Variants in CEMIP2 observed in about 807,000 individuals in gnomAD.
CEMIP2 encodes the protein cell surface hyaluronidase CEMIP2.
A neutral mutation model predicts 146.9 loss-of-function variants in CEMIP2; 79 were observed. That is an observed-to-expected ratio of 0.54 (90% CI 0.45 to 0.65). The LOEUF (loss-of-function observed/expected upper bound fraction) is 0.65, where lower values mean the gene tolerates loss of function less well. Ranked by LOEUF, CEMIP2 falls within the 30% of genes least tolerant of loss-of-function variation. The pLI, the probability that CEMIP2 is intolerant of heterozygous loss-of-function variation, is 0.00. For synonymous variants in CEMIP2, 601 were observed against 606.3 expected, an observed-to-expected ratio of 0.99 and a Z score of 0.13; for missense variants, 1,596 against 1,696.2, an observed-to-expected ratio of 0.94 and a Z score of 1.04.
At chr9:71,700,506 AC>A in intron 19 of CEMIP2, 135 bp downstream of exon 19, 1 of 860,152 alleles carries the variant, frequency 1.2e-6, no homozygotes, top group Non-Finnish European at 1.7e-6. Flanking sequence ...TCCCCTCTAA[AC>A]CTCTAATAGA....
chr9:71,736,122 A>C (rs1490272551), intron 5 of CEMIP2, among the ~76,000 whole-genome samples: 2 of 152,204 alleles, frequency 1.3e-5, no homozygotes, highest in African/African-American at 4.8e-5. Flanking sequence ...TCTGTCTCAG[A>C]AAACCCTTCA....
At chr9:71,697,157 G>A (rs1822426837) in intron 20 of CEMIP2, among the ~76,000 whole-genome samples, 1 of 152,212 alleles carries the variant, frequency 6.6e-6, no homozygotes, top group South Asian at 2.1e-4. Flanking sequence ...TTGGGCCCAA[G>A]AATTCCCATT....
chr9:71,713,230 G>C (rs62546967), intron 15 of CEMIP2, among the ~76,000 whole-genome samples: 7,192 of 152,100 alleles, frequency 0.047, 218 homozygotes, highest in South Asian at 0.069. Flanking sequence ...GGTCTTCTCC[G>C]TGCTGTTCTC....
chr9:71,768,175 G>A (rs1824857313), intron 1 of CEMIP2, among the ~76,000 whole-genome samples, 182 bp downstream of exon 1: 1 of 152,172 alleles, frequency 6.6e-6, no homozygotes, highest in South Asian at 2.1e-4. Flanking sequence ...GAAAGGAGGC[G>A]CACGGGGGAA....
intron 1 of CEMIP2, among the ~76,000 whole-genome samples, chr9:71,764,488 A>G (rs1174834291): frequency 6.6e-6 from 1 of 150,954 alleles, no homozygotes; most frequent in African/African-American, 2.4e-5. Flanking sequence ...CTATTAATTT[A>G]CTATATGACC....
intron 17 of CEMIP2, among the ~76,000 whole-genome samples, chr9:71,708,068 T>C (rs1442964836): frequency 6.6e-6 from 1 of 152,080 alleles, no homozygotes; most frequent in East Asian, 1.9e-4. Context: ...GCGCCTGTAG[T>C]CCAGCTGCTC....
chr9:71,703,467 T>C (rs1201850025), intron 18 of CEMIP2, among the ~76,000 whole-genome samples: 1 of 152,218 alleles, frequency 6.6e-6, no homozygotes, highest in Non-Finnish European at 1.5e-5. Flanking sequence ...TGGAAGTGAC[T>C]TTCTTAAAGC....
intron 1 of CEMIP2, among the ~76,000 whole-genome samples, chr9:71,763,248 C>T (rs1261288311): frequency 6.6e-6 from 1 of 152,080 alleles, no homozygotes; most frequent in East Asian, 1.9e-4. Flanking sequence ...ATTACAGAGA[C>T]CATTAAGACA....
chr9:71,715,110 A>G, intron 14 of CEMIP2, 21 bp from the exon 15 acceptor site: 2 of 1,609,770 alleles, frequency 1.2e-6, no homozygotes, highest in Non-Finnish European at 1.7e-6. Context: ...GCGAACAATC[A>G]TTAGCTACAT....
intron 22 of CEMIP2, 133 bp downstream of exon 22, chr9:71,689,959 G>A: frequency 9.3e-7 from 1 of 1,070,040 alleles, no homozygotes; most frequent in Non-Finnish European, 1.3e-6. Context: ...TGAGGTAGGA[G>A]AGGAATGAAC....
chr9:71,725,735 A>G (rs370548464), intron 10 of CEMIP2, 26 bp from the exon 11 acceptor site: 90 of 1,606,574 alleles, frequency 5.6e-5, no homozygotes, highest in Non-Finnish European at 7.5e-5. Context: ...CAAGCCCATT[A>G]AAAGCCTAAT....
Position 71,730,778 on chromosome 9 carries a change from G to A in CEMIP2, c.1700C>T (p.Thr567Ile). 6.2e-7 allele frequency: 1 copy of A among 1,614,216 alleles called. No homozygotes were observed. Among genetic ancestry groups the A allele is most frequent in the Non-Finnish European group, 8.5e-7 (1 of 1,180,044 alleles). ...ATGAATAGACAGGCCGTCCACAAAT[G>A]TTGCATGTCTGTATCCTCCTTTATA... Reference protein sequence around the residue: ...VDYKGGYRHATFVDGLSIHHS... With the variant: ...VDYKGGYRHAIFVDGLSIHHS... Residue 567 changes from threonine to isoleucine, a missense_variant, in exon 8 of 24, where the codon ACA becomes ATA. Coordinates refer to ENST00000377044, the MANE Select transcript of CEMIP2 (RefSeq NM_013390.3).
intron 1 of CEMIP2, among the ~76,000 whole-genome samples, chr9:71,760,190 A>G (rs1395268761): frequency 1.3e-5 from 2 of 152,236 alleles, no homozygotes; most frequent in Admixed American, 1.3e-4. Flanking sequence ...AAAATTAACT[A>G]TAAATACTAA....
At chr9:71,724,861 G>C (rs12004614) in intron 11 of CEMIP2, among the ~76,000 whole-genome samples, 19,285 of 152,088 alleles carry the variant, frequency 0.13, 1,831 homozygotes, top group African/African-American at 0.26. Context: ...CCCCTAGAAG[G>C]ATATTATTTA....
chr9:71,743,259 G>A (rs1823976243), intron 4 of CEMIP2, among the ~76,000 whole-genome samples: 1 of 152,200 alleles, frequency 6.6e-6, no homozygotes, highest in Non-Finnish European at 1.5e-5. Context: ...CTTCGGTGGG[G>A]AAGAGAGTGA....
intron 17 of CEMIP2, among the ~76,000 whole-genome samples, chr9:71,706,947 T>C (rs2131895735): frequency 6.6e-6 from 1 of 152,126 alleles, no homozygotes. Flanking sequence ...CCTGCCTCAG[T>C]CCCCTCGAGT....
At chr9:71,736,135 T>C (rs1823754172) in intron 5 of CEMIP2, among the ~76,000 whole-genome samples, 1 of 152,176 alleles carries the variant, frequency 6.6e-6, no homozygotes, top group Non-Finnish European at 1.5e-5. Flanking sequence ...ACCCTTCATC[T>C]CTGTGCCTTT....
In CEMIP2 at chr9:71,734,993, G is replaced by A. The variant is rs758003068; in HGVS notation, c.1206C>T (p.Gly402=). ...CTACCCGGAATCCTGAAAGAGAAAC[G>A]CCTAAACCAAAAAAAAAAAAAAGAA... ...SVTAYSEWIE[G]VSLSGFRVEV... Residue 402 remains glycine (G), a splice_region_variant and synonymous_variant, in exon 6 of 24, where the codon GGC becomes GGT. Transcript: ENST00000377044. 1.8e-5 allele frequency: 28 copies of A among 1,541,510 alleles called. 1 individual carries two copies. The highest frequency in any genetic ancestry group is 3.5e-4 in the Middle Eastern group (2 of 5,734).
intron 4 of CEMIP2, among the ~76,000 whole-genome samples, chr9:71,743,082 A>G (rs1823969096): frequency 6.6e-6 from 1 of 152,222 alleles, no homozygotes; most frequent in Admixed American, 6.5e-5. Flanking sequence ...AAAAGAAAAG[A>G]AAATGAGCCA....
Sources: allele counts gnomAD v4.1 joint callset (sites outside exome capture counted in the v4.1 genomes callset), GRCh38; gene constraint gnomAD v4.1.1; transcripts MANE v1.5; gene names NCBI Gene and HGNC (gene_info 2026-07-23, HGNC 2026-07-21).